Variants in FGF12 observed in about 807,000 individuals in gnomAD.
FGF12 encodes fibroblast growth factor 12B.
A neutral mutation model predicts 23.6 loss-of-function variants in FGF12; 14 were observed. That is an observed-to-expected ratio of 0.59 (90% CI 0.39 to 0.93). The LOEUF (loss-of-function observed/expected upper bound fraction) is 0.93. FGF12 is among the 40% of genes least tolerant of loss of function. The pLI is 0.00. For synonymous variants in FGF12, 62 were observed against 77.3 expected, an observed-to-expected ratio of 0.80 and a Z score of 1.04; for missense variants, 175 against 217.8, an observed-to-expected ratio of 0.80 and a Z score of 1.24.
intron 4 of FGF12, among the ~76,000 whole-genome samples, chr3:192,321,155 G>A (rs2108681974): frequency 6.6e-6 from 1 of 152,054 alleles, no homozygotes. Flanking sequence ...GAAATTCAAA[G>A]GATCACCAGT....
intron 2 of FGF12, among the ~76,000 whole-genome samples, chr3:192,635,806 A>G (rs1477429559): frequency 6.6e-6 from 1 of 152,162 alleles, no homozygotes; most frequent in Admixed American, 6.5e-5. Context: ...CTGAAGTTCT[A>G]TGGAGAAGTC....
chr3:192,473,814 C>A (rs114962247), intron 2 of FGF12, among the ~76,000 whole-genome samples: 1,575 of 152,276 alleles, frequency 0.01, 23 homozygotes, highest in African/African-American at 0.037. Flanking sequence ...TAAACAGAAG[C>A]CTTTAGTGTA....
chr3:192,377,501 C>T (rs1034060644), intron 2 of FGF12, among the ~76,000 whole-genome samples: 8 of 152,174 alleles, frequency 5.3e-5, no homozygotes, highest in South Asian at 2.1e-4. Context: ...AGAGTCATTT[C>T]GTAACAGCTC....
intron 4 of FGF12, among the ~76,000 whole-genome samples, chr3:192,261,553 A>G (rs1183008253): frequency 2.0e-5 from 3 of 152,222 alleles, no homozygotes; most frequent in Admixed American, 6.5e-5. Flanking sequence ...TTTGTGATCT[A>G]AAGTGTCTGT....
At chr3:192,277,081 C>A (rs1713835716) in intron 4 of FGF12, among the ~76,000 whole-genome samples, 3 of 152,174 alleles carry the variant, frequency 2.0e-5, no homozygotes, top group South Asian at 4.1e-4. Flanking sequence ...TGTGATCAAA[C>A]AAATTTATAT....
Position 192,308,668 on chromosome 3 carries a change from G to A in FGF12, c.228+26693C>T, listed in dbSNP as rs902599635. On this transcript the variant is annotated intron_variant, in intron 4 of 5. Transcript: ENST00000445105. ...GCACTCCAGCCTGGCCAACAAGAAC[G>A]AAACTCCATCTCAAAAAAAAAAAAG... 4.1e-5 allele frequency among the ~76,000 whole-genome samples: 6 copies of A among 146,890 alleles called. No homozygotes were observed. The East Asian group carries it at 6.0e-4, about 15-fold the overall frequency.
intron 4 of FGF12, among the ~76,000 whole-genome samples, chr3:192,292,761 G>C (rs1489495890): frequency 2.0e-5 from 3 of 151,986 alleles, no homozygotes; most frequent in Admixed American, 2.0e-4. Flanking sequence ...CATACCAGTT[G>C]AACAAGGGAC....
At chr3:192,578,455 TAAA>T (rs1713001744) in intron 2 of FGF12, among the ~76,000 whole-genome samples, 1 of 152,176 alleles carries the variant, frequency 6.6e-6, no homozygotes, top group African/African-American at 2.4e-5. Context: ...TCTTTTAAGA[TAAA>T]ACAACAACAA....
chr3:192,504,928 T>C (rs746436900), intron 2 of FGF12, among the ~76,000 whole-genome samples: 15 of 152,156 alleles, frequency 9.9e-5, no homozygotes, highest in Non-Finnish European at 1.8e-4. Flanking sequence ...TTCTGTATTT[T>C]CTCAGTTGTC....
intron 2 of FGF12, among the ~76,000 whole-genome samples, chr3:192,485,460 A>G (rs1453890520): frequency 1.3e-5 from 2 of 152,214 alleles, no homozygotes; most frequent in Non-Finnish European, 2.9e-5. Context: ...CAGAAATCCC[A>G]GCTCTAGGAA....
intron 2 of FGF12, among the ~76,000 whole-genome samples, chr3:192,659,040 A>C (rs1434182704): frequency 6.6e-6 from 1 of 152,166 alleles, no homozygotes; most frequent in East Asian, 1.9e-4. Flanking sequence ...GGGACAGGAC[A>C]AATCAGGCTT....
chr3:192,326,675 A>G lies in FGF12; in HGVS notation c.228+8686T>C, dbSNP rs575219323. Among the ~76,000 whole-genome samples, 8 of 152,332 alleles carry G rather than the reference A, an allele frequency of 5.3e-5. No individual in the cohort carries two copies. In the East Asian group the frequency reaches 9.6e-4, roughly 18 times the overall value. On this transcript the variant is annotated intron_variant, in intron 4 of 5. Coordinates refer to ENST00000445105, the MANE Select transcript of FGF12 (RefSeq NM_004113.6). The stretch of plus-strand genomic sequence containing the variant: ...TTATCACTGTAATAAAGCCATCACA[A>G]ACAAGGTGATAGGCTGCCCCGGTTT...
intron 2 of FGF12, among the ~76,000 whole-genome samples, chr3:192,402,540 C>A (rs1341384014): frequency 6.6e-6 from 1 of 152,170 alleles, no homozygotes; most frequent in Non-Finnish European, 1.5e-5. Flanking sequence ...CTTCCTAACC[C>A]TCAGTGTGGT....
chr3:192,706,083 A>G (rs1054941979), intron 2 of FGF12, among the ~76,000 whole-genome samples: 16 of 152,226 alleles, frequency 1.1e-4, no homozygotes, highest in Admixed American at 6.5e-5. Flanking sequence ...CATTCCTTCC[A>G]AATACAATAC....
intron 4 of FGF12, among the ~76,000 whole-genome samples, chr3:192,326,647 G>A (rs1246487199): frequency 6.6e-6 from 1 of 152,182 alleles, no homozygotes; most frequent in African/African-American, 2.4e-5. Flanking sequence ...TTTGTTGTTG[G>A]TGTTATCACT....
At chr3:192,449,367 A>G (rs77531980) in intron 2 of FGF12, among the ~76,000 whole-genome samples, 7,219 of 151,872 alleles carry the variant, frequency 0.048, 587 homozygotes, top group African/African-American at 0.16. Context: ...TCACAGACCC[A>G]GAATGTGAAG....
chr3:192,584,981 C>T (rs1004892224), intron 2 of FGF12, among the ~76,000 whole-genome samples: 1 of 151,764 alleles, frequency 6.6e-6, no homozygotes, highest in African/African-American at 2.4e-5. Context: ...TTGCTGAAGC[C>T]AGTGAATTGG....
chr3:192,591,734 GC>G (rs1485613326), intron 2 of FGF12, among the ~76,000 whole-genome samples: 1 of 151,886 alleles, frequency 6.6e-6, no homozygotes, highest in Non-Finnish European at 1.5e-5. Flanking sequence ...TGCTTACGTG[GC>G]AATAGAAAGT....
At chr3:192,370,606 G>A (rs993691221) in intron 2 of FGF12, among the ~76,000 whole-genome samples, 1 of 152,084 alleles carries the variant, frequency 6.6e-6, no homozygotes, top group Non-Finnish European at 1.5e-5. Flanking sequence ...ATGCTTCAGA[G>A]GCCAATGCAT....
Sources: allele counts gnomAD v4.1 joint callset (sites outside exome capture counted in the v4.1 genomes callset), GRCh38; gene constraint gnomAD v4.1.1; transcripts MANE v1.5; gene names NCBI Gene and HGNC (gene_info 2026-07-23, HGNC 2026-07-21).